CACNA1A: variants seen among roughly 807,000 people sequenced by gnomAD.
The protein encoded by CACNA1A is calcium voltage-gated channel subunit alpha1 A, also known as voltage-dependent P/Q-type calcium channel subunit alpha-1A.
A neutral mutation model predicts 262.4 loss-of-function variants in CACNA1A; 57 were observed. The ratio of observed to expected loss-of-function variants is 0.22; its 90% CI spans 0.18 to 0.27. The LOEUF (loss-of-function observed/expected upper bound fraction) is 0.27. Among genes scored for constraint, CACNA1A ranks in the 10% least tolerant of loss-of-function variants. CACNA1A has a pLI of 1.00. For missense variants in CACNA1A, 2,526 were observed against 3,562.8 expected, an observed-to-expected ratio of 0.71 and a Z score of 7.41; for synonymous variants, 1,431 against 1,419.3, an observed-to-expected ratio of 1.01 and a Z score of -0.18.
chr19:13,228,229 G>A (rs1489868660), intron 36 of CACNA1A, among the ~76,000 whole-genome samples: 1 of 151,896 alleles, frequency 6.6e-6, no homozygotes, highest in Non-Finnish European at 1.5e-5. Flanking sequence ...TTCTACAGTT[G>A]GGTCACGTTC....
Position 13,212,722 on chromosome 19 carries a change from A to G in CACNA1A, c.5959T>C (p.Phe1987Leu), listed in dbSNP as rs781045242. 6.6e-7 allele frequency: 1 copy of G among 1,505,256 alleles called. No homozygotes were observed. Among genetic ancestry groups the G allele is most frequent in the Non-Finnish European group, 8.9e-7 (1 of 1,127,674 alleles). 93.2% of individuals were successfully genotyped at this position (1,505,256 alleles called of 1,614,324 possible). ...GGGGACGGGGGCTCCATGCGCTGGA[A>G]CATGAGGGGTGTCCGGTCCTGGGGA... ...REEQDRTPLM[F>L]QRMEPPSPTQ... The change falls in exon 41 of 47, where the codon TTC becomes CTC. Residue 1987 changes from phenylalanine (F) to leucine (L), a missense_variant. Phe to Leu is a conservative substitution (Grantham distance 22). This residue lies in a region of CACNA1A where 929 missense variants were observed against 868.1 expected (regional missense o/e 1.07). Coordinates refer to ENST00000360228, the MANE Select transcript of CACNA1A (RefSeq NM_001127222.2). The surrounding 1 kb of genome is among the most constrained non-coding windows in gnomAD (Gnocchi z 5.6).
At chr19:13,383,158 CAG>C (rs1395718391) in intron 3 of CACNA1A, among the ~76,000 whole-genome samples, 1 of 152,190 alleles carries the variant, frequency 6.6e-6, no homozygotes, top group Non-Finnish European at 1.5e-5. Flanking sequence ...GCCAGATATT[CAG>C]AGAGTGCCTA....
intron 20 of CACNA1A, among the ~76,000 whole-genome samples, chr19:13,285,952 A>ATT (rs74181819): frequency 0.021 from 1,979 of 95,776 alleles, 112 homozygotes; most frequent in African/African-American, 0.064. Flanking sequence ...GCAGTTCACC[A>ATT]TTTTTTTTTT....
intron 3 of CACNA1A, among the ~76,000 whole-genome samples, chr19:13,386,160 AAAAAAAAAG>A (rs950306457): frequency 1.4e-5 from 2 of 145,736 alleles, no homozygotes; most frequent in African/African-American, 5.1e-5. Context: ...CTTAAAAAAA[AAAAAAAAAG>A]AAGAAGAAGA....
chr19:13,404,860 G>A (rs1331374320), intron 3 of CACNA1A, among the ~76,000 whole-genome samples: 1 of 152,108 alleles, frequency 6.6e-6, no homozygotes, highest in Non-Finnish European at 1.5e-5. Context: ...GTGAGAGACT[G>A]TTAGTAAGAA....
Position 13,214,619 on chromosome 19 carries a change from G to A in CACNA1A, c.5732-11C>T, listed in dbSNP as rs1054395974. On this transcript the variant is annotated splice_polypyrimidine_tract_variant and intron_variant, in intron 38 of 46. Transcript: ENST00000360228. This position sits in a 1 kb window ranked among gnomAD's most constrained non-coding sequence, Gnocchi z 4.1. Reference sequence around the variant, plus strand: ...GTTTGTCGGCTCCTCCTGCAATGGGGGTGTAGACAGACCCTGACTGCCTGC... The same window carrying A: ...GTTTGTCGGCTCCTCCTGCAATGGGAGTGTAGACAGACCCTGACTGCCTGC... 7 of 1,604,500 alleles carry A rather than the reference G, an allele frequency of 4.4e-6. No individual in the cohort carries two copies. Among genetic ancestry groups the A allele is most frequent in the Non-Finnish European group, 6.0e-6 (7 of 1,172,630 alleles).
intron 24 of CACNA1A, 79 bp downstream of exon 24, chr19:13,275,771 A>G: frequency 2.1e-6 from 2 of 960,216 alleles, no homozygotes; most frequent in East Asian, 2.5e-5. Flanking sequence ...CCCTGAGAAC[A>G]TGTCCTGTAA....
chr19:13,503,621 T>C (rs1288040329), intron 1 of CACNA1A, among the ~76,000 whole-genome samples: 1 of 150,814 alleles, frequency 6.6e-6, no homozygotes, highest in African/African-American at 2.4e-5. Context: ...TCCCCTCTCA[T>C]CTCCAACCCT....
chr19:13,321,801 T>G (rs1323615445), intron 10 of CACNA1A, among the ~76,000 whole-genome samples: 1 of 151,784 alleles, frequency 6.6e-6, no homozygotes, highest in African/African-American at 2.4e-5. Context: ...GTGAGTTGAG[T>G]GGTGAGTGAA....
At chr19:13,232,710 G>C (rs1171692953) in intron 34 of CACNA1A, among the ~76,000 whole-genome samples, 3 of 126,980 alleles carry the variant, frequency 2.4e-5, no homozygotes, top group Non-Finnish European at 5.0e-5. Flanking sequence ...CAGCCTGGGT[G>C]ACAAAGAGGG....
At chr19:13,291,956 G>A (rs1244797230) in intron 19 of CACNA1A, among the ~76,000 whole-genome samples, 1 of 152,136 alleles carries the variant, frequency 6.6e-6, no homozygotes, top group East Asian at 1.9e-4. Context: ...AGGTTGTCAT[G>A]GTGACAGATG....
At chr19:13,415,329 C>G (rs1047402454) in intron 3 of CACNA1A, among the ~76,000 whole-genome samples, 1 of 152,124 alleles carries the variant, frequency 6.6e-6, no homozygotes, top group African/African-American at 2.4e-5. Flanking sequence ...ATTCTGTGCT[C>G]TTCACAACAC....
chr19:13,455,348 G>T, intron 1 of CACNA1A, 136 bp from the exon 2 acceptor site: 1 of 571,166 alleles, frequency 1.8e-6, no homozygotes, highest in Non-Finnish European at 3.3e-6. Context: ...GGAATTATTC[G>T]TTCTCCTGTC....
chr19:13,333,101 A>G (rs571740755), intron 8 of CACNA1A, among the ~76,000 whole-genome samples, 176 bp from the exon 9 acceptor site: 13 of 152,316 alleles, frequency 8.5e-5, no homozygotes, highest in Admixed American at 2.6e-4. Context: ...CCTCCGCAAC[A>G]GTAGCAATAG....
intron 3 of CACNA1A, among the ~76,000 whole-genome samples, chr19:13,411,332 G>C (rs1009546808): frequency 6.6e-6 from 1 of 152,116 alleles, no homozygotes; most frequent in African/African-American, 2.4e-5. Context: ...AACTTGAATT[G>C]TAATAATCCC....
chr19:13,299,190 T>C lies in CACNA1A; in HGVS notation c.2443A>G (p.Met815Val), dbSNP rs779928926. ...AGCGGCCGGTCCAAGTGCGTCTTCATGTCTGGCCGCAGGTGCCGCGTGTAG... is the reference window on the plus strand; with the variant it reads ...AGCGGCCGGTCCAAGTGCGTCTTCACGTCTGGCCGCAGGTGCCGCGTGTAG... Reference protein sequence around the residue: ...AAYTRHLRPDMKTHLDRPLVV... With the variant: ...AAYTRHLRPDVKTHLDRPLVV... The change falls in exon 19 of 47, where the codon ATG (methionine) becomes GTG (valine). Residue 815 changes from methionine to valine, a missense_variant. This residue lies in a region of CACNA1A where 765 missense variants were observed against 748.6 expected (regional missense o/e 1.02). Coordinates refer to ENST00000360228, the MANE Select transcript of CACNA1A (RefSeq NM_001127222.2). The C allele has an allele frequency of 2.0e-5, 33 of 1,612,614 alleles. No homozygotes were observed. Among genetic ancestry groups the C allele is most frequent in the Non-Finnish European group, 2.8e-5 (33 of 1,179,894 alleles).
intron 45 of CACNA1A, among the ~76,000 whole-genome samples, 151 bp from the exon 46 acceptor site, chr19:13,209,160 C>T (rs1338556415): frequency 6.6e-6 from 1 of 152,044 alleles, no homozygotes; most frequent in Non-Finnish European, 1.5e-5. Flanking sequence ...GGGGTAGTAC[C>T]CAGGTTCCTG....
chr19:13,286,138 C>G (rs2057393665), intron 20 of CACNA1A, among the ~76,000 whole-genome samples: 1 of 151,894 alleles, frequency 6.6e-6, no homozygotes, highest in Admixed American at 6.6e-5. Context: ...TTGCATGTGG[C>G]CTGTGTTACA....
intron 9 of CACNA1A, among the ~76,000 whole-genome samples, chr19:13,332,047 A>C (rs1213473395): frequency 6.6e-6 from 1 of 151,974 alleles, no homozygotes; most frequent in East Asian, 1.9e-4. Context: ...CTGTCCCCTG[A>C]CTCCCAGCTA....
Sources: allele counts gnomAD v4.1 joint callset (sites outside exome capture counted in the v4.1 genomes callset), GRCh38; gene constraint gnomAD v4.1.1; regional missense constraint gnomAD v4.1.1; non-coding constraint Gnocchi (gnomAD v3.1); transcripts MANE v1.5; gene names NCBI Gene and HGNC (gene_info 2026-07-23, HGNC 2026-07-21).